The following PCBP3 variants were observed in gnomAD, a reference collection of about 807,000 sequenced individuals.
PCBP3 encodes poly(rC)-binding protein 3.
PCBP3 carries 25 observed loss-of-function variants against 52.7 expected under a neutral mutation model. That is an observed-to-expected ratio of 0.47 (90% CI 0.35 to 0.66). PCBP3 has a LOEUF of 0.66. Ranked by LOEUF, PCBP3 falls within the 30% of genes least tolerant of loss-of-function variation. The pLI is 0.01. For missense variants in PCBP3, 391 were observed against 490.3 expected, an observed-to-expected ratio of 0.80 and a Z score of 1.91; for synonymous variants, 162 against 183.0, an observed-to-expected ratio of 0.89 and a Z score of 0.93.
In PCBP3 at chr21:45,704,868, C is replaced by T. The variant is rs2083350942; in HGVS notation, c.-199-30524C>T. On this transcript the variant is annotated intron_variant, in intron 2 of 17. Transcript: ENST00000681687. This position sits in a 1 kb window ranked among gnomAD's most constrained non-coding sequence, Gnocchi z 4.1. ...GGTAGACGACACAGGGCGCTGCTGTCTGCTGAATACATGATGGCAGTTGAT... is the reference window on the plus strand; with the variant it reads ...GGTAGACGACACAGGGCGCTGCTGTTTGCTGAATACATGATGGCAGTTGAT... 6.6e-6 allele frequency among the ~76,000 whole-genome samples: 1 copy of T among 152,212 alleles called. No homozygotes were observed. Among genetic ancestry groups the T allele is most frequent in the Non-Finnish European group, 1.5e-5 (1 of 68,038 alleles).
At chr21:45,813,084 GGTTA>G (rs75397217) in intron 4 of PCBP3, among the ~76,000 whole-genome samples, 6,751 of 152,162 alleles carry the variant, frequency 0.044, 335 homozygotes, top group East Asian at 0.11. Context: ...TTTAGAAAAT[GGTTA>G]GCCATCATAT....
At chr21:45,939,309 T>C (rs1364633055) in intron 16 of PCBP3, among the ~76,000 whole-genome samples, 2 of 152,216 alleles carry the variant, frequency 1.3e-5, no homozygotes. Context: ...TGCAGTCTTC[T>C]CTGGGGGCCC....
chr21:45,903,695 G>A (rs1219745348), intron 9 of PCBP3, among the ~76,000 whole-genome samples: 2 of 152,136 alleles, frequency 1.3e-5, no homozygotes, highest in African/African-American at 4.8e-5. Context: ...AGAATAAGAG[G>A]GAGAATGATT....
At chr21:45,826,829 G>T (rs2093320769) in intron 4 of PCBP3, among the ~76,000 whole-genome samples, 1 of 152,312 alleles carries the variant, frequency 6.6e-6, no homozygotes, top group Middle Eastern at 3.4e-3. Context: ...GAGGAGGAAA[G>T]GGGCAGCCTA....
chr21:45,802,916 C>T lies in PCBP3; in HGVS notation c.-125-47045C>T, dbSNP rs941343482. 3.3e-5 allele frequency among the ~76,000 whole-genome samples: 5 copies of T among 152,218 alleles called. No individual in the cohort carries two copies. The highest frequency in any genetic ancestry group is 2.0e-4 in the Admixed American group (3 of 15,282). On this transcript the variant is annotated intron_variant, in intron 4 of 17. Coordinates refer to ENST00000681687, the MANE Select transcript of PCBP3 (RefSeq NM_001384156.1). The surrounding 1 kb of genome is among the most constrained non-coding windows in gnomAD (Gnocchi z 5.1). Reference sequence around the variant, plus strand: ...GGTCTTGGTGCATTTTTCATTGATACTCATATATTTACTGTTGAATCTCTT... The same window carrying T: ...GGTCTTGGTGCATTTTTCATTGATATTCATATATTTACTGTTGAATCTCTT...
intron 4 of PCBP3, among the ~76,000 whole-genome samples, chr21:45,808,828 G>T (rs1456336445): frequency 6.6e-6 from 1 of 152,102 alleles, no homozygotes. Context: ...AGAAAACGTG[G>T]CACATATATA....
chr21:45,900,714 G>A (rs2096011048), intron 8 of PCBP3, 91 bp downstream of exon 8: 1 of 1,029,760 alleles, frequency 9.7e-7, no homozygotes, highest in African/African-American at 1.6e-5. Flanking sequence ...TCCTGCCTGT[G>A]CTCTTGGCCA....
intron 11 of PCBP3, among the ~76,000 whole-genome samples, chr21:45,912,557 G>A (rs2096418061): frequency 6.6e-6 from 1 of 152,122 alleles, no homozygotes; most frequent in Non-Finnish European, 1.5e-5. Flanking sequence ...TGAGAATACA[G>A]ACATCGCCAC....
intron 2 of PCBP3, among the ~76,000 whole-genome samples, chr21:45,697,754 C>CAA (rs5844246): frequency 1.5e-5 from 2 of 131,990 alleles, no homozygotes; most frequent in African/African-American, 2.8e-5. Context: ...GACCCTGTCT[C>CAA]AAAAAAAAAA....
At chr21:45,909,731 C>G (rs1037015491) in intron 10 of PCBP3, among the ~76,000 whole-genome samples, 2 of 132,898 alleles carry the variant, frequency 1.5e-5, no homozygotes, top group Non-Finnish European at 3.2e-5. Flanking sequence ...TGCCCAGATA[C>G]AGACCTGGCC....
intron 3 of PCBP3, chr21:45,750,830 G>A (rs570234001): frequency 7.2e-5 from 11 of 152,174 alleles, no homozygotes; most frequent in Non-Finnish European, 1.2e-4. Flanking sequence ...TGGGAAATAC[G>A]TGCATGTACA....
At chr21:45,749,174 T>C (rs1039622440) in intron 3 of PCBP3, among the ~76,000 whole-genome samples, 2 of 152,170 alleles carry the variant, frequency 1.3e-5, no homozygotes, top group Non-Finnish European at 2.9e-5. Context: ...TGAGCCAGCA[T>C]TGGAGCAGAA....
At chr21:45,910,132 CCCACCACT>C in intron 10 of PCBP3, among the ~76,000 whole-genome samples, 1 of 1,262 alleles carries the variant, frequency 7.9e-4, no homozygotes, top group Non-Finnish European at 1.3e-3. Flanking sequence ...ACGGACCCCC[CCCACCACT>C]GCCCAGATAT....
At chr21:45,818,855 A>G (rs1266051178) in intron 4 of PCBP3, among the ~76,000 whole-genome samples, 1 of 152,240 alleles carries the variant, frequency 6.6e-6, no homozygotes, top group East Asian at 1.9e-4. Flanking sequence ...TCAAACCATG[A>G]AGTGATGCGG....
At chr21:45,901,332 C>A (rs74944362) in intron 9 of PCBP3, 5 of 517,156 alleles carry the variant, frequency 9.7e-6, no homozygotes, top group Non-Finnish European at 1.8e-5. Context: ...AAGCCAGCTA[C>A]TCCCGGCTGT....
chr21:45,786,129 TAA>T (rs57864348), intron 4 of PCBP3, among the ~76,000 whole-genome samples: 2 of 111,540 alleles, frequency 1.8e-5, no homozygotes, highest in African/African-American at 7.8e-5. Context: ...GAATGATCAA[TAA>T]AAAAATAAAT....
intron 3 of PCBP3, chr21:45,751,436 TTTTTGTAC>T (rs2087491848): frequency 6.6e-6 from 1 of 152,196 alleles, no homozygotes; most frequent in East Asian, 1.9e-4. Context: ...TACATCTCCC[TTTTTGTAC>T]TTTGTGTTTT....
chr21:45,833,595 T>C (rs931568972), intron 4 of PCBP3, among the ~76,000 whole-genome samples: 2 of 152,152 alleles, frequency 1.3e-5, no homozygotes, highest in South Asian at 4.1e-4. Context: ...ACAGAGGGTG[T>C]TTCTGCTTCA....
intron 5 of PCBP3, among the ~76,000 whole-genome samples, chr21:45,864,847 G>C (rs1266915764): frequency 6.6e-6 from 1 of 152,214 alleles, no homozygotes; most frequent in Non-Finnish European, 1.5e-5. Flanking sequence ...GAACACTTTA[G>C]ATTTTTAAAT....
Sources: allele counts gnomAD v4.1 joint callset (sites outside exome capture counted in the v4.1 genomes callset), GRCh38; gene constraint gnomAD v4.1.1; non-coding constraint Gnocchi (gnomAD v3.1); transcripts MANE v1.5; gene names NCBI Gene and HGNC (gene_info 2026-07-23, HGNC 2026-07-21).